TUFT1: variants seen among roughly 807,000 people sequenced by gnomAD.
TUFT1 encodes the protein tuftelin.
In TUFT1, 43 loss-of-function variants were observed where a neutral mutation model predicts 57.8. That is an observed-to-expected ratio of 0.74 (90% confidence interval 0.58 to 0.96). The LOEUF (loss-of-function observed/expected upper bound fraction) is 0.96, where lower values mean the gene tolerates loss of function less well. TUFT1 is among the 40% of genes least tolerant of loss of function. TUFT1 has a pLI of 0.00. For missense variants in TUFT1, 459 were observed against 489.0 expected, an observed-to-expected ratio of 0.94 and a Z score of 0.58; for synonymous variants, 166 against 176.7, an observed-to-expected ratio of 0.94 and a Z score of 0.48.
At position 151,564,592 on chromosome 1, in the gene TUFT1, C is replaced by T; in HGVS notation, c.392C>T (p.Ser131Phe). 3.1e-6 allele frequency: 5 copies of T among 1,614,086 alleles called. No homozygotes were observed. Among genetic ancestry groups the T allele is most frequent in the Non-Finnish European group, 4.2e-6 (5 of 1,179,952 alleles). Residue 131 changes from serine to phenylalanine, a missense_variant, in exon 5 of 13, where the codon TCT (serine) becomes TTT (phenylalanine). Physicochemically the swap from Ser to Phe is radical, Grantham distance 155. Transcript: ENST00000368849. ...SSKLDRNLGD[S>F]LHRQEIQVVL... ...AAGCTTGACAGGAACCTAGGAGATT[C>T]TCTCCATCGACAGGAGATACAGGTA...
At chr1:151,567,025 C>T (rs1666106827) in intron 6 of TUFT1, among the ~76,000 whole-genome samples, 1 of 151,508 alleles carries the variant, frequency 6.6e-6, no homozygotes. Context: ...TTCAAGCAAT[C>T]CTCCCACCTC....
chr1:151,545,138 C>T (rs753567984), intron 1 of TUFT1, among the ~76,000 whole-genome samples: 23 of 151,970 alleles, frequency 1.5e-4, no homozygotes, highest in Non-Finnish European at 2.8e-4. Flanking sequence ...TGGCAAAACC[C>T]CATCTCTACT....
At chr1:151,558,401 TG>T (rs1190985129) in intron 1 of TUFT1, among the ~76,000 whole-genome samples, 1 of 151,932 alleles carries the variant, frequency 6.6e-6, no homozygotes, top group East Asian at 1.9e-4. Flanking sequence ...ACTTTTTCTT[TG>T]TCTTTAGTTA....
chr1:151,566,343 T>G (rs1200492068), intron 6 of TUFT1, 115 bp downstream of exon 6: 3 of 793,754 alleles, frequency 3.8e-6, no homozygotes, highest in Non-Finnish European at 6.0e-6. Context: ...AATACAAGAG[T>G]AGTAGTTGAC....
chr1:151,568,840 G>A (rs999309294), intron 6 of TUFT1, among the ~76,000 whole-genome samples: 7 of 152,218 alleles, frequency 4.6e-5, no homozygotes, highest in Admixed American at 2.0e-4. Flanking sequence ...TTTTGAGGCA[G>A]CCTGTAAGGC....
chr1:151,562,023 C>T (rs938679066), intron 1 of TUFT1, 68 bp from the exon 2 acceptor site: 2 of 1,541,884 alleles, frequency 1.3e-6, no homozygotes, highest in Admixed American at 1.7e-5. Flanking sequence ...CACCCCTGTA[C>T]TGGTAGCAGT....
chr1:151,581,156 T>A, intron 12 of TUFT1, 114 bp downstream of exon 12: 1 of 989,354 alleles, frequency 1.0e-6, no homozygotes, highest in Non-Finnish European at 1.5e-6. Context: ...AATCCAACTT[T>A]CCTCCCTCAG....
intron 9 of TUFT1, among the ~76,000 whole-genome samples, chr1:151,575,345 C>T (rs760926487): frequency 1.3e-5 from 2 of 152,116 alleles, no homozygotes; most frequent in Non-Finnish European, 2.9e-5. Context: ...GTTATGCCTT[C>T]GTTTCCTCCC....
chr1:151,554,984 G>A lies in TUFT1; in HGVS notation c.61-7107G>A, dbSNP rs140064141. ...CTCCCAAAGTGCTGGGGTTACAGGT[G>A]TGAGCCACCACACCAGCCCTCTTAG... On this transcript the variant is annotated intron_variant, in intron 1 of 12. Transcript: ENST00000368849. Among the ~76,000 whole-genome samples, 172 of 150,052 alleles carry A rather than the reference G, an allele frequency of 1.1e-3. 2 individuals are homozygous for A. The highest frequency in any genetic ancestry group is 3.4e-3 in the Middle Eastern group (1 of 292).
In TUFT1 at chr1:151,578,769, C is replaced by G. The variant is rs369673392; in HGVS notation, c.867C>G (p.His289Gln). ...TGGCCGGGTTGCGGGAGAAGATCCACCACTTGGATGACATGCTCAAGAGCC... is the reference window on the plus strand; with the variant it reads ...TGGCCGGGTTGCGGGAGAAGATCCAGCACTTGGATGACATGCTCAAGAGCC... Reference protein sequence around the residue: ...KEVAGLREKIHHLDDMLKSQQ... With the variant: ...KEVAGLREKIQHLDDMLKSQQ... Residue 289 changes from histidine to glutamine, a missense_variant, in exon 10 of 13, where the codon CAC becomes CAG. Coordinates refer to ENST00000368849, the MANE Select transcript of TUFT1 (RefSeq NM_020127.3). The G allele has an allele frequency of 1.4e-5, 22 of 1,584,444 alleles. No individual in the cohort carries two copies. The highest frequency in any genetic ancestry group is 1.8e-5 in the Non-Finnish European group (21 of 1,164,126).
chr1:151,545,097 G>A (rs956271994), intron 1 of TUFT1, among the ~76,000 whole-genome samples: 20 of 151,800 alleles, frequency 1.3e-4, no homozygotes, highest in African/African-American at 4.8e-4. Context: ...GATCACCTGA[G>A]ATCAGGAGTT....
chr1:151,566,224 C>T lies in TUFT1; in HGVS notation c.476C>T (p.Pro159Leu), dbSNP rs1666073546. The stretch of plus-strand genomic sequence containing the variant: ...CCCACAGCCCTGTACAGCAGCCCAC[C>T]TGAGGTAGGTAACAGAGGACACCAT... ...QSPTALYSSP[P>L]EVDTCINEDV... The change falls in exon 6 of 13, where the codon CCT (proline) becomes CTT (leucine). Residue 159 changes from proline to leucine, a missense_variant. Transcript: ENST00000368849. 6.2e-7 allele frequency: 1 copy of T among 1,610,900 alleles called. No homozygotes were observed. The highest frequency in any genetic ancestry group is 8.5e-7 in the Non-Finnish European group (1 of 1,178,942).
intron 6 of TUFT1, among the ~76,000 whole-genome samples, chr1:151,568,032 T>C (rs754448786): frequency 2.0e-5 from 3 of 152,352 alleles, no homozygotes; most frequent in Non-Finnish European, 4.4e-5. Flanking sequence ...AATGCAAATA[T>C]ATATTTACCA....
At chr1:151,567,664 G>A (rs928821181) in intron 6 of TUFT1, among the ~76,000 whole-genome samples, 8 of 152,178 alleles carry the variant, frequency 5.3e-5, no homozygotes, top group African/African-American at 1.9e-4. Flanking sequence ...TCGTGCCTCA[G>A]CGTACTGAGT....
chr1:151,554,695 CTTTTTTTTTTT>C (rs771656418), intron 1 of TUFT1, among the ~76,000 whole-genome samples: 1 of 85,652 alleles, frequency 1.2e-5, no homozygotes, highest in Non-Finnish European at 2.2e-5. Flanking sequence ...GCCCGGCCCC[CTTTTTTTTTTT>C]TTTTTTTTTT....
Position 151,557,653 on chromosome 1 carries a change from G to A in TUFT1, c.61-4438G>A, listed in dbSNP as rs114824738. 1,160 of 988,576 alleles carry A rather than the reference G, an allele frequency of 1.2e-3. 12 individuals carry two copies. In the African/African-American group the frequency reaches 0.016, roughly 14 times the overall value. The allele number at this position is 988,576 out of a possible 1,614,324, so 61.2% of individuals were successfully genotyped here. ...TGCCTGGAGACATTTCCACTGGTACGTTACCAATGAGGGCATCCAGTATCT... is the reference window on the plus strand; with the variant it reads ...TGCCTGGAGACATTTCCACTGGTACATTACCAATGAGGGCATCCAGTATCT... On this transcript the variant is annotated intron_variant, in intron 1 of 12. Coordinates refer to ENST00000368849, the MANE Select transcript of TUFT1 (RefSeq NM_020127.3).
At chr1:151,562,533 G>A in intron 2 of TUFT1, 52 bp from the exon 3 acceptor site, 10 of 1,488,628 alleles carry the variant, frequency 6.7e-6, no homozygotes, top group Non-Finnish European at 9.3e-6. Context: ...TTGCCATGTG[G>A]TGTCTGAGCC....
chr1:151,548,143 C>T (rs530491947), intron 1 of TUFT1, among the ~76,000 whole-genome samples: 4 of 152,134 alleles, frequency 2.6e-5, no homozygotes, highest in South Asian at 4.1e-4. Flanking sequence ...TGAGCTGAGT[C>T]GGGTGCGAGC....
chr1:151,574,027 G>A (rs1666357542), intron 7 of TUFT1, among the ~76,000 whole-genome samples: 1 of 152,126 alleles, frequency 6.6e-6, no homozygotes, highest in Non-Finnish European at 1.5e-5. Context: ...TGGGTTCCAG[G>A]TGTCACTTTA....
Sources: gnomAD v4.1 joint callset for allele counts (sites outside exome capture counted in the v4.1 genomes callset) on GRCh38, gnomAD v4.1.1 for gene constraint, MANE v1.5 for transcripts, NCBI Gene and HGNC (gene_info 2026-07-23, HGNC 2026-07-21) for gene names.